DPP6: variants seen among roughly 807,000 people sequenced by gnomAD.
DPP6 encodes the protein A-type potassium channel modulatory protein DPP6.
In DPP6, 69 loss-of-function variants were observed where a neutral mutation model predicts 122.6. That is an observed-to-expected ratio of 0.56 (90% CI 0.46 to 0.69). The LOEUF is 0.69. DPP6 is among the 30% of genes least tolerant of loss of function. The pLI is 0.00. For missense variants in DPP6, 928 were observed against 1,116.9 expected, an observed-to-expected ratio of 0.83 and a Z score of 2.41; for synonymous variants, 418 against 433.1, an observed-to-expected ratio of 0.97 and a Z score of 0.43.
the DPP6 span, among the ~76,000 whole-genome samples, chr7:153,863,267 TC>T: frequency 2.4e-3 from 362 of 152,262 alleles, no homozygotes; most frequent in Non-Finnish European, 4.3e-3. Flanking sequence ...CATGAACTCA[TC>T]CTTTTTTATG....
chr7:154,008,434 A>G (rs1303397620), intron 1 of DPP6, among the ~76,000 whole-genome samples: 1 of 152,278 alleles, frequency 6.6e-6, no homozygotes, highest in Non-Finnish European at 1.5e-5. Context: ...GGGACTAGCG[A>G]CATAGGTTTA....
chr7:153,961,588 G>A (rs1210258522), intron 1 of DPP6, among the ~76,000 whole-genome samples: 2 of 151,424 alleles, frequency 1.3e-5, no homozygotes, highest in Non-Finnish European at 2.9e-5. Flanking sequence ...ATGGTTTCAG[G>A]ATGATTCAAG....
At chr7:154,202,992 T>C (rs1482475912) in intron 1 of DPP6, among the ~76,000 whole-genome samples, 2 of 152,148 alleles carry the variant, frequency 1.3e-5, no homozygotes, top group Non-Finnish European at 2.9e-5. Flanking sequence ...ATAATAAGGA[T>C]TGACAATCAG....
At chr7:154,354,716 T>A (rs908219606) in intron 1 of DPP6, among the ~76,000 whole-genome samples, 2 of 152,242 alleles carry the variant, frequency 1.3e-5, no homozygotes, top group African/African-American at 4.8e-5. Context: ...CATGTAGTAC[T>A]GGTTCACTCT....
At chr7:153,995,706 T>C (rs1429086760) in intron 1 of DPP6, among the ~76,000 whole-genome samples, 13 of 152,168 alleles carry the variant, frequency 8.5e-5, no homozygotes, top group African/African-American at 3.1e-4. Flanking sequence ...TCTTAGAATG[T>C]GCTATCGGCA....
intron 7 of DPP6, among the ~76,000 whole-genome samples, chr7:154,683,573 A>G (rs1839415846): frequency 6.6e-6 from 1 of 152,176 alleles, no homozygotes; most frequent in Non-Finnish European, 1.5e-5. Flanking sequence ...CCCCTACTCC[A>G]GAATGTTCTC....
At chr7:154,183,677 C>T (rs962864969) in intron 1 of DPP6, among the ~76,000 whole-genome samples, 2 of 152,200 alleles carry the variant, frequency 1.3e-5, no homozygotes, top group Admixed American at 1.3e-4. Flanking sequence ...GATCTGCCTT[C>T]AAGGAACCCA....
intron 1 of DPP6, among the ~76,000 whole-genome samples, chr7:154,366,458 T>C (rs17174370): frequency 0.079 from 12,104 of 152,300 alleles, 1,194 homozygotes; most frequent in African/African-American, 0.24. Flanking sequence ...TACTTCAGAA[T>C]CGGCACAGTG....
intron 1 of DPP6, among the ~76,000 whole-genome samples, chr7:154,307,046 G>A (rs1213107290): frequency 6.6e-6 from 1 of 152,084 alleles, no homozygotes; most frequent in Non-Finnish European, 1.5e-5. Context: ...CCTGACCATG[G>A]GAGAGAAGTA....
Position 154,603,656 on chromosome 7 carries a change from C to CAAAAAAAAAA in DPP6, c.628-34147_628-34138dup, listed in dbSNP as rs779501891. On this transcript the variant is annotated intron_variant, in intron 5 of 25. Transcript: ENST00000377770. ...GGGTGACGAGAGTGAAACTCTGTCT[C>CAAAAAAAAAA]AAAAAAAAAAAAAAAAAAAAAAAAA... Among the ~76,000 whole-genome samples the CAAAAAAAAAA allele has an allele frequency of 2.1e-3, 52 of 24,970 alleles. 4 individuals are homozygous for CAAAAAAAAAA. Among genetic ancestry groups the CAAAAAAAAAA allele is most frequent in the African/African-American group, 5.5e-3 (50 of 9,016 alleles). 16.4% of individuals were successfully genotyped at this position (24,970 alleles called of 152,430 possible). A position where few individuals can be genotyped will look rare whatever the true frequency, so the allele number is the denominator to read the frequency against.
At chr7:154,766,615 C>T (rs1795915199) in intron 8 of DPP6, among the ~76,000 whole-genome samples, 1 of 152,228 alleles carries the variant, frequency 6.6e-6, no homozygotes, top group Non-Finnish European at 1.5e-5. Flanking sequence ...CTAACCGTTA[C>T]ATTTGGTAAC....
intron 5 of DPP6, among the ~76,000 whole-genome samples, chr7:154,610,641 T>C (rs1586728247): frequency 6.6e-6 from 1 of 152,094 alleles, no homozygotes. Flanking sequence ...AAATGTTATA[T>C]TGAACCTTGA....
intron 1 of DPP6, among the ~76,000 whole-genome samples, chr7:154,166,092 C>G (rs1797232579): frequency 6.6e-6 from 1 of 152,200 alleles, no homozygotes. Context: ...AAAGGAGCTG[C>G]TTCCTCACTG....
chr7:153,836,327 G>A, the DPP6 span, among the ~76,000 whole-genome samples: 1 of 152,142 alleles, frequency 6.6e-6, no homozygotes, highest in Non-Finnish European at 1.5e-5. Context: ...CAAAGCTAGA[G>A]TGAGCATTTG....
In DPP6 at chr7:154,206,874, C is replaced by G. The variant is rs912083394; in HGVS notation, c.243+153811C>G. ...CACCTGCATACATTATTTTTAAATG[C>G]GTATGGGGTCACTTCCAAGGTGAAG... On this transcript the variant is annotated intron_variant, in intron 1 of 25. Transcript: ENST00000377770. Among the ~76,000 whole-genome samples, 12 of 152,244 alleles carry G rather than the reference C, an allele frequency of 7.9e-5. No individual in the cohort carries two copies. The South Asian group carries it at 8.3e-4, about 11-fold the overall frequency.
chr7:154,302,633 T>C (rs1805987205), intron 1 of DPP6, among the ~76,000 whole-genome samples: 1 of 152,226 alleles, frequency 6.6e-6, no homozygotes, highest in Non-Finnish European at 1.5e-5. Flanking sequence ...CTTTGAAGGA[T>C]CATGTATCAC....
At chr7:154,870,679 T>G (rs1001440156) in intron 18 of DPP6, among the ~76,000 whole-genome samples, 1 of 151,650 alleles carries the variant, frequency 6.6e-6, no homozygotes, top group African/African-American at 2.4e-5. Flanking sequence ...AATGTGTGTA[T>G]TGGCCAGTCA....
chr7:154,047,023 G>A (rs1427162598), intron 1 of DPP6, among the ~76,000 whole-genome samples: 9 of 150,686 alleles, frequency 6.0e-5, no homozygotes, highest in Admixed American at 3.9e-4. Context: ...AGGAAAAGAC[G>A]TTGCATTTGA....
intron 1 of DPP6, among the ~76,000 whole-genome samples, chr7:153,899,700 AAAGT>A (rs1296782313): frequency 6.6e-6 from 1 of 152,234 alleles, no homozygotes; most frequent in Non-Finnish European, 1.5e-5. Flanking sequence ...TGTTGTGCTC[AAAGT>A]GTTCAAGCAT....
Sources: gnomAD v4.1 joint callset for allele counts (sites outside exome capture counted in the v4.1 genomes callset) on GRCh38, gnomAD v4.1.1 for gene constraint, MANE v1.5 for transcripts, NCBI Gene and HGNC (gene_info 2026-07-23, HGNC 2026-07-21) for gene names.